ARNT2: variants seen among roughly 807,000 people sequenced by gnomAD.
ARNT2 encodes the protein aryl hydrocarbon receptor nuclear translocator 2.
A neutral mutation model predicts 91.7 loss-of-function variants in ARNT2; 36 were observed. The ratio of observed to expected loss-of-function variants is 0.39; its 90% CI spans 0.30 to 0.52. ARNT2 has a LOEUF of 0.52. ARNT2 is among the 20% of genes least tolerant of loss of function. The pLI is 0.72. For synonymous variants in ARNT2, 365 were observed against 347.1 expected (o/e 1.05, Z -0.57); for missense variants, 775 against 939.3 (o/e 0.83, Z 2.29).
At chr15:80,578,270 C>G (rs912409616) in intron 15 of ARNT2, among the ~76,000 whole-genome samples, 1 of 152,140 alleles carries the variant, frequency 6.6e-6, no homozygotes, top group Non-Finnish European at 1.5e-5. Context: ...GCTGACTCTT[C>G]AGCTAGGCCT....
At chr15:80,489,712 T>G (rs1165883719) in intron 5 of ARNT2, among the ~76,000 whole-genome samples, 1 of 152,196 alleles carries the variant, frequency 6.6e-6, no homozygotes, top group Admixed American at 6.5e-5. Context: ...GCACTTGTAC[T>G]CAGTTTGAAG....
At chr15:80,529,896 A>C (rs1596000132) in intron 8 of ARNT2, among the ~76,000 whole-genome samples, 3 of 152,346 alleles carry the variant, frequency 2.0e-5, no homozygotes, top group Admixed American at 2.0e-4. Context: ...ACAAGTACAC[A>C]TTTCATCTGA....
In ARNT2 at chr15:80,404,486, C is replaced by A. The variant is rs1337481948; in HGVS notation, c.-30C>A. 1 of 1,227,958 alleles carries A rather than the reference C, an allele frequency of 8.1e-7. No individual in the cohort carries two copies. The highest frequency in any genetic ancestry group is 3.1e-5 in the Admixed American group (1 of 32,772). The allele number at this position is 1,227,958 out of a possible 1,614,324, so 76.1% of individuals were successfully genotyped here. On this transcript the variant is annotated 5_prime_UTR_variant, in exon 1 of 19. Transcript: ENST00000303329. The surrounding 1 kb of genome is among the most constrained non-coding windows in gnomAD (Gnocchi z 5.5). ...CCGCGCCGCCCCTCCCGCGCCCCTG[C>A]CAAGCGGGCGCCTATCCTCTCCGAG...
rs758292753 is a variant in ARNT2 at position 80,591,545 on chromosome 15, G to A, written c.1919-23G>A. On this transcript the variant is annotated intron_variant, in intron 17 of 18. Coordinates refer to ENST00000303329, the MANE Select transcript of ARNT2 (RefSeq NM_014862.4). The surrounding 1 kb of genome is among the most constrained non-coding windows in gnomAD (Gnocchi z 5.1). ...CCACGGGATGGCTTTTAAAGGAAGT[G>A]TCCTGTGTGTCGAATCTTTCAGCTG... is the stretch of plus-strand genomic sequence containing the variant. The A allele has an allele frequency of 1.4e-5, 22 of 1,613,986 alleles. 1 individual carries two copies. The South Asian group carries it at 2.4e-4, about 18-fold the overall frequency.
At chr15:80,463,647 C>T (rs892047579) in intron 3 of ARNT2, among the ~76,000 whole-genome samples, 14 of 148,224 alleles carry the variant, frequency 9.4e-5, no homozygotes, top group South Asian at 2.1e-4. Flanking sequence ...GGCGCGGTCT[C>T]GGTTCACTGC....
chr15:80,593,500 A>T lies in ARNT2; in HGVS notation c.2056-100A>T, dbSNP rs951675522. 4.5e-6 allele frequency: 4 copies of T among 896,122 alleles called. No individual in the cohort carries two copies. In the African/African-American group the frequency reaches 5.0e-5, roughly 11 times the overall value. The allele number at this position is 896,122 out of a possible 1,614,324, so 55.5% of individuals were successfully genotyped here. On this transcript the variant is annotated intron_variant, in intron 18 of 18. Transcript: ENST00000303329. Reference sequence around the variant, plus strand: ...GGACCTCTGGGCTGCCCCTTTAGGGATGGCCATGAGGGTGAGTGCAGACTG... The same window carrying T: ...GGACCTCTGGGCTGCCCCTTTAGGGTTGGCCATGAGGGTGAGTGCAGACTG...
rs143003667 is a variant in ARNT2, at chr15:80,447,799, T to C, written c.32-3081T>C. On this transcript the variant is annotated intron_variant, in intron 1 of 18. Transcript: ENST00000303329. ...CTAAAAATCAATATTAGAGAAAATA[T>C]TTTATCTTTAAAGTCAATGTTAGTC... is the stretch of plus-strand genomic sequence containing the variant. Among the ~76,000 whole-genome samples the C allele has an allele frequency of 4.5e-3, 680 of 152,354 alleles. 4 individuals are homozygous for C. The highest frequency in any genetic ancestry group is 0.015 in the African/African-American group (644 of 41,578).
At chr15:80,504,771 GAA>G in intron 5 of ARNT2, among the ~76,000 whole-genome samples, 1 of 96,926 alleles carries the variant, frequency 1.0e-5, no homozygotes, top group African/African-American at 5.2e-5. Flanking sequence ...CTGTCTCAAA[GAA>G]AAAAAAAAAA....
In ARNT2 at chr15:80,543,094, CAAAAAA is replaced by C. The variant is rs368917679; in HGVS notation, c.878-8083_878-8078del. ...CCTGGATAACAGAGCCAGACCCGGT[CAAAAAA>C]AAAAAAAAAAAAAAAAAAAAAGAAA... On this transcript the variant is annotated intron_variant, in intron 8 of 18. Coordinates refer to ENST00000303329, the MANE Select transcript of ARNT2 (RefSeq NM_014862.4). Among the ~76,000 whole-genome samples the C allele has an allele frequency of 2.8e-3, 240 of 86,658 alleles. 2 individuals carry two copies. Among genetic ancestry groups the C allele is most frequent in the African/African-American group, 8.2e-3 (226 of 27,418 alleles). The allele number at this position is 86,658 out of a possible 152,430, so 56.9% of individuals were successfully genotyped here.
chr15:80,519,418 G>T (rs1897497065), intron 8 of ARNT2, among the ~76,000 whole-genome samples: 1 of 152,148 alleles, frequency 6.6e-6, no homozygotes, highest in Admixed American at 6.5e-5. Flanking sequence ...GTGGGGGCAG[G>T]GGGCTGCGGT....
intron 1 of ARNT2, among the ~76,000 whole-genome samples, chr15:80,424,458 C>G (rs1895905587): frequency 6.6e-6 from 1 of 152,198 alleles, no homozygotes; most frequent in Non-Finnish European, 1.5e-5. Flanking sequence ...GAGGCTGGCC[C>G]ACTTTGGCAG....
At chr15:80,555,284 C>T (rs1898160001) in intron 11 of ARNT2, 145 bp downstream of exon 11, 2 of 732,336 alleles carry the variant, frequency 2.7e-6, no homozygotes, top group Non-Finnish European at 4.6e-6. Context: ...TAGGAAGTCA[C>T]TCACAGTCTA....
chr15:80,534,010 TG>T (rs1404241554), intron 8 of ARNT2, among the ~76,000 whole-genome samples: 2 of 152,286 alleles, frequency 1.3e-5, no homozygotes, highest in African/African-American at 4.8e-5. Context: ...AGTCCAAGTT[TG>T]TACAGAAAAT....
At chr15:80,500,713 A>C (rs939518710) in intron 5 of ARNT2, among the ~76,000 whole-genome samples, 1 of 152,224 alleles carries the variant, frequency 6.6e-6, no homozygotes, top group East Asian at 1.9e-4. Flanking sequence ...CAGAGAATGC[A>C]TTTTTGTGAA....
At chr15:80,587,663 A>G (rs1018707134) in intron 17 of ARNT2, among the ~76,000 whole-genome samples, 5 of 152,240 alleles carry the variant, frequency 3.3e-5, no homozygotes, top group African/African-American at 1.2e-4. Context: ...CCGTGGTCTG[A>G]AAGCCCACAC....
chr15:80,419,860 C>G (rs1349489578), intron 1 of ARNT2, among the ~76,000 whole-genome samples: 1 of 152,178 alleles, frequency 6.6e-6, no homozygotes, highest in Admixed American at 6.5e-5. Context: ...CAGCCTTAAA[C>G]AGCAGGGCAT....
At chr15:80,578,016 C>G (rs1018013680) in intron 15 of ARNT2, among the ~76,000 whole-genome samples, 6 of 152,188 alleles carry the variant, frequency 3.9e-5, no homozygotes, top group Non-Finnish European at 8.8e-5. Flanking sequence ...ATAGTCAAGC[C>G]CTCCAGACTT....
At position 80,489,376 on chromosome 15, in the gene ARNT2, C is replaced by G. The variant is rs138417465; in HGVS notation, c.622+14153C>G. 2.4e-3 allele frequency among the ~76,000 whole-genome samples: 360 copies of G among 152,330 alleles called. 2 individuals are homozygous for G. The highest frequency in any genetic ancestry group is 8.5e-3 in the African/African-American group (354 of 41,578). On this transcript the variant is annotated intron_variant, in intron 5 of 18. Coordinates refer to ENST00000303329, the MANE Select transcript of ARNT2 (RefSeq NM_014862.4). ...TTTTTGTAGATTCTTTTCTTCTACT[C>G]CAACGCAAAGCCTCCCTGGACAGTC...
rs368570587 is a variant in ARNT2 at position 80,555,218 on chromosome 15, A to C, written c.1164+79A>C. ...ATGTGGCTGGCAGGACATTAGTCCT[A>C]CTATGTGCCAGGCAGGCTGCAAGGT... On this transcript the variant is annotated intron_variant, in intron 11 of 18. Coordinates refer to ENST00000303329, the MANE Select transcript of ARNT2 (RefSeq NM_014862.4). The C allele has an allele frequency of 1.7e-4, 255 of 1,476,436 alleles. 8 individuals carry two copies. In the South Asian group the frequency reaches 2.8e-3, roughly 16 times the overall value. The allele number at this position is 1,476,436 out of a possible 1,614,324, so 91.5% of individuals were successfully genotyped here.
Sources: gnomAD v4.1 joint callset for allele counts (sites outside exome capture counted in the v4.1 genomes callset) on GRCh38, gnomAD v4.1.1 for gene constraint, Gnocchi (gnomAD v3.1) non-coding constraint, MANE v1.5 for transcripts, NCBI Gene and HGNC (gene_info 2026-07-23, HGNC 2026-07-21) for gene names.